The following GDAP1 variants were observed in gnomAD, a reference collection of about 807,000 sequenced individuals.
GDAP1 encodes the protein ganglioside-induced differentiation-associated protein 1.
In GDAP1, 34 loss-of-function variants were observed where a neutral mutation model predicts 40.1. The ratio of observed to expected loss-of-function variants is 0.85; its 90% CI spans 0.64 to 1.13. The LOEUF is 1.13. Ranked by LOEUF, GDAP1 falls within the 50% of genes most tolerant of loss-of-function variation. The probability of loss-of-function intolerance (pLI) is 0.00; values close to 1 mark genes in which losing one functional copy is unlikely to be tolerated. For missense variants in GDAP1, 374 were observed against 433.7 expected (o/e 0.86, Z 1.22); for synonymous variants, 170 against 157.4 (o/e 1.08, Z -0.60).
intron 2 of GDAP1, among the ~76,000 whole-genome samples, chr8:74,473,454 T>C (rs1806586782): frequency 6.6e-6 from 1 of 152,244 alleles, no homozygotes; most frequent in Admixed American, 6.5e-5. Flanking sequence ...CTTTAACCCA[T>C]CTTGAATTGA....
In GDAP1 at chr8:74,428,379, G is replaced by GTCCC. The variant is rs1805979651; in HGVS notation, c.166-60299_166-60298insTCCC. Among the ~76,000 whole-genome samples the GTCCC allele has an allele frequency of 3.3e-5, 5 of 152,222 alleles. No individual in the cohort carries two copies. In the East Asian group the frequency reaches 9.6e-4, roughly 29 times the overall value. ...ATGGTGGTGTCCCCGACCATCACAG[G>GTCCC]AGAACCAGAGTAACCCTTAAATGTG... is the stretch of plus-strand genomic sequence containing the variant. On this transcript the variant is annotated intron_variant, in intron 2 of 2. Transcript: ENST00000523640.
chr8:74,440,242 G>C (rs1806146762), intron 2 of GDAP1, among the ~76,000 whole-genome samples: 2 of 152,116 alleles, frequency 1.3e-5, no homozygotes, highest in Admixed American at 1.3e-4. Flanking sequence ...ACTAAGTCTG[G>C]AGGATTCCTT....
chr8:74,481,705 A>G (rs1806712789), intron 2 of GDAP1, among the ~76,000 whole-genome samples: 1 of 152,206 alleles, frequency 6.6e-6, no homozygotes, highest in Non-Finnish European at 1.5e-5. Context: ...AAAACCAAAA[A>G]TTGGCTCCTC....
chr8:74,373,757 C>T (rs1809796578), intron 2 of GDAP1, among the ~76,000 whole-genome samples: 1 of 152,160 alleles, frequency 6.6e-6, no homozygotes, highest in South Asian at 2.1e-4. Context: ...TTTCTTTCTC[C>T]TGCCTGATTG....
intron 2 of GDAP1, among the ~76,000 whole-genome samples, chr8:74,375,114 G>T (rs550029445): frequency 2.7e-4 from 41 of 152,306 alleles, no homozygotes; most frequent in Admixed American, 2.4e-3. Context: ...ATCACTTGAG[G>T]TTAGGAGTTG....
At chr8:74,457,748 C>T (rs1412293379) in intron 2 of GDAP1, among the ~76,000 whole-genome samples, 1 of 152,062 alleles carries the variant, frequency 6.6e-6, no homozygotes, top group Non-Finnish European at 1.5e-5. Flanking sequence ...ATTTCAGCTA[C>T]TTGGCAATTG....
Position 74,452,444 on chromosome 8 carries a change from T to C in GDAP1, c.166-36234T>C, listed in dbSNP as rs575322938. ...CATTTGATATTTTCCCATGGACTAC[T>C]GAGACTCTTCATTTTATTTTATTAC... On this transcript the variant is annotated intron_variant, in intron 2 of 2. Coordinates refer to the GDAP1 transcript ENST00000523640. Among the ~76,000 whole-genome samples the C allele has an allele frequency of 4.8e-5, 4 of 83,646 alleles. 2 individuals carry two copies. The East Asian group carries it at 1.4e-3, about 30-fold the overall frequency. 54.9% of individuals were successfully genotyped at this position (83,646 alleles called of 152,430 possible).
intron 1 of GDAP1, 58 bp from the exon 2 acceptor site, chr8:74,351,216 G>A (rs1808853905): frequency 1.4e-6 from 2 of 1,396,852 alleles, no homozygotes; most frequent in Non-Finnish European, 2.0e-6. Context: ...CGGTGTCCAG[G>A]GAAGTCATTT....
chr8:74,467,544 A>G (rs1467637503), intron 2 of GDAP1, among the ~76,000 whole-genome samples: 2 of 152,204 alleles, frequency 1.3e-5, no homozygotes, highest in Non-Finnish European at 2.9e-5. Context: ...AGAGTCAATG[A>G]ACAGGCAGTG....
chr8:74,362,525 C>T (rs1809418996), intron 4 of GDAP1, among the ~76,000 whole-genome samples: 1 of 152,214 alleles, frequency 6.6e-6, no homozygotes, highest in Admixed American at 6.5e-5. Flanking sequence ...CACTCACAGT[C>T]ACTTGACTGA....
intron 2 of GDAP1, among the ~76,000 whole-genome samples, chr8:74,415,710 A>T (rs1586827742): frequency 6.7e-6 from 1 of 149,934 alleles, no homozygotes; most frequent in South Asian, 2.1e-4. Flanking sequence ...TGTGCTCTGC[A>T]TGCACTCCCA....
At position 74,451,667 on chromosome 8, in the gene GDAP1, G is replaced by A. The variant is rs1468809069; in HGVS notation, c.166-37011G>A. Among the ~76,000 whole-genome samples the A allele has an allele frequency of 2.4e-5, 2 of 81,872 alleles. 1 individual carries two copies. The highest frequency in any genetic ancestry group is 4.9e-5 in the Non-Finnish European group (2 of 40,822). The allele number at this position is 81,872 out of a possible 152,430, so 53.7% of individuals were successfully genotyped here. On this transcript the variant is annotated intron_variant, in intron 2 of 2. Coordinates refer to the GDAP1 transcript ENST00000523640. ...TTTTGTTTATCTTAACATATCCTTA[G>A]TTCACATTCTTTTTTGATGGATGCT...
chr8:74,477,591 C>T (rs1325896504), intron 2 of GDAP1, among the ~76,000 whole-genome samples: 14 of 152,120 alleles, frequency 9.2e-5, no homozygotes, highest in African/African-American at 3.1e-4. Flanking sequence ...GCTGTATTCT[C>T]TAACCCTGGG....
At chr8:74,363,948 C>T (rs781622105) in intron 5 of GDAP1, 37 bp from the exon 6 acceptor site, 1 of 1,601,212 alleles carries the variant, frequency 6.2e-7, no homozygotes. Context: ...CTGTAGAGTG[C>T]TTGCCTCTAA....
intron 2 of GDAP1, among the ~76,000 whole-genome samples, chr8:74,476,120 G>T (rs1806625875): frequency 6.6e-6 from 1 of 151,960 alleles, no homozygotes; most frequent in Non-Finnish European, 1.5e-5. Flanking sequence ...TTATTTTTCT[G>T]TTTTCCTCTT....
At chr8:74,358,303 G>A (rs1405601393) in intron 2 of GDAP1, among the ~76,000 whole-genome samples, 1 of 152,234 alleles carries the variant, frequency 6.6e-6, no homozygotes, top group East Asian at 1.9e-4. Flanking sequence ...CTGGAGAGAA[G>A]CCCCAGGGCC....
chr8:74,413,855 A>C (rs1304099144), intron 2 of GDAP1, among the ~76,000 whole-genome samples: 2 of 149,608 alleles, frequency 1.3e-5, no homozygotes, highest in Non-Finnish European at 2.9e-5. Flanking sequence ...AAAGGGAAGC[A>C]CTAGAGAACA....
chr8:74,482,689 A>G (rs571498262), intron 2 of GDAP1, among the ~76,000 whole-genome samples: 1 of 152,304 alleles, frequency 6.6e-6, no homozygotes, highest in East Asian at 1.9e-4. Context: ...ACACATGCAT[A>G]TGACAGCCTC....
intron 2 of GDAP1, among the ~76,000 whole-genome samples, chr8:74,403,384 A>AT (rs1491427190): frequency 6.7e-6 from 1 of 149,836 alleles, no homozygotes; most frequent in Admixed American, 6.6e-5. Flanking sequence ...TTAATTATTA[A>AT]TTTTTTTTCT....
Sources: allele counts gnomAD v4.1 joint callset (sites outside exome capture counted in the v4.1 genomes callset), GRCh38; gene constraint gnomAD v4.1.1; transcripts MANE v1.5; gene names NCBI Gene and HGNC (gene_info 2026-07-23, HGNC 2026-07-21).